Variants in ACOXL observed in about 807,000 individuals in gnomAD.
The protein encoded by ACOXL is acyl-coenzyme A oxidase-like protein.
ACOXL carries 70 observed loss-of-function variants against 71.9 expected under a neutral mutation model. The ratio of observed to expected loss-of-function variants is 0.97; its 90% CI spans 0.80 to 1.19. The LOEUF is 1.19. Ranked by LOEUF, ACOXL falls within the 50% of genes most tolerant of loss-of-function variation. The pLI is 0.00. For missense variants in ACOXL, 703 were observed against 736.3 expected (o/e 0.95, Z 0.52); for synonymous variants, 253 against 281.6 (o/e 0.90, Z 1.02).
chr2:111,018,713 G>A (rs970672415), intron 14 of ACOXL, among the ~76,000 whole-genome samples: 3 of 151,948 alleles, frequency 2.0e-5, no homozygotes, highest in African/African-American at 7.3e-5. Context: ...GAGGCTGGAG[G>A]GGGTGTTGGT....
chr2:110,892,792 A>G (rs1166945091), intron 10 of ACOXL, among the ~76,000 whole-genome samples: 1 of 152,220 alleles, frequency 6.6e-6, no homozygotes, highest in East Asian at 1.9e-4. Flanking sequence ...GAGAGGTTAA[A>G]GCAAGGACTT....
intron 10 of ACOXL, among the ~76,000 whole-genome samples, chr2:110,846,636 T>TACATGCACACACACACAC (rs1553562178): frequency 2.2e-5 from 1 of 44,836 alleles, no homozygotes; most frequent in Admixed American, 1.8e-4. Flanking sequence ...CAAGTATGCA[T>TACATGCACACACACACAC]ACACGCACAC....
At chr2:110,768,879 T>C (rs1000432062) in intron 2 of ACOXL, among the ~76,000 whole-genome samples, 1 of 151,928 alleles carries the variant, frequency 6.6e-6, no homozygotes, top group African/African-American at 2.4e-5. Flanking sequence ...AGCCTGTTGA[T>C]CTCATGCTGA....
chr2:110,819,962 C>A (rs1688401644), intron 9 of ACOXL, among the ~76,000 whole-genome samples: 1 of 152,204 alleles, frequency 6.6e-6, no homozygotes, highest in Admixed American at 6.5e-5. Flanking sequence ...GAACTAAATA[C>A]AACATCCCTG....
intron 9 of ACOXL, among the ~76,000 whole-genome samples, chr2:110,813,744 G>C (rs2105441335): frequency 6.6e-6 from 1 of 152,268 alleles, no homozygotes; most frequent in South Asian, 2.1e-4. Flanking sequence ...CATAGAGAAA[G>C]GCAACAACAG....
intron 14 of ACOXL, among the ~76,000 whole-genome samples, chr2:111,001,725 C>T (rs1326818029): frequency 1.3e-5 from 2 of 152,216 alleles, no homozygotes; most frequent in Non-Finnish European, 2.9e-5. Flanking sequence ...AGTTAACAGC[C>T]TTCAAAGGGA....
intron 12 of ACOXL, among the ~76,000 whole-genome samples, chr2:110,980,440 G>C (rs986432642): frequency 6.6e-6 from 1 of 152,186 alleles, no homozygotes; most frequent in African/African-American, 2.4e-5. Flanking sequence ...GCGAAGGGAA[G>C]AAGAGACCCC....
intron 10 of ACOXL, among the ~76,000 whole-genome samples, chr2:110,876,164 T>G (rs549623742): frequency 8.7e-4 from 132 of 152,318 alleles, no homozygotes; most frequent in Non-Finnish European, 1.7e-3. Flanking sequence ...CCCAGAACTG[T>G]GTTTCTAGAA....
At chr2:111,089,096 C>A (rs536131893) in intron 16 of ACOXL, among the ~76,000 whole-genome samples, 1 of 152,016 alleles carries the variant, frequency 6.6e-6, no homozygotes, top group African/African-American at 2.4e-5. Flanking sequence ...GTCAAGAGAT[C>A]GAGACCATCC....
chr2:110,757,744 T>A lies in ACOXL; in HGVS notation c.-22-10624T>A, dbSNP rs534628340. Among the ~76,000 whole-genome samples, 31 of 150,596 alleles carry A rather than the reference T, an allele frequency of 2.1e-4. No homozygotes were observed. The East Asian group carries it at 5.9e-3, about 28-fold the overall frequency. On this transcript the variant is annotated intron_variant, in intron 1 of 17. Transcript: ENST00000439055. ...TCCTTTGCCTACCTTTTAATGGGGT[T>A]TTTTTTTTTCTTGTCAATTTGTTTA...
chr2:110,908,738 A>G (rs752556396), intron 10 of ACOXL, 51 bp from the exon 11 acceptor site: 1 of 1,420,032 alleles, frequency 7.0e-7, no homozygotes, highest in South Asian at 1.2e-5. Flanking sequence ...AAATGAAGTT[A>G]CCTCCCGCTC....
intron 11 of ACOXL, among the ~76,000 whole-genome samples, chr2:110,909,821 A>G (rs1351241957): frequency 1.3e-5 from 2 of 151,170 alleles, no homozygotes; most frequent in East Asian, 1.9e-4. Context: ...CTTATTGTAC[A>G]CAAGACTGGC....
chr2:110,887,156 T>G, intron 10 of ACOXL: 1 of 317,664 alleles, frequency 3.1e-6, no homozygotes, highest in Non-Finnish European at 5.9e-6. Flanking sequence ...TCCGTTACCA[T>G]GTTCTGAATT....
chr2:110,868,675 A>C (rs1043055469), intron 10 of ACOXL, among the ~76,000 whole-genome samples: 1 of 151,870 alleles, frequency 6.6e-6, no homozygotes, highest in African/African-American at 2.4e-5. Flanking sequence ...TGCAGCCTCA[A>C]CTTCCCAGGC....
chr2:111,115,219 C>A (rs993188580), intron 17 of ACOXL, among the ~76,000 whole-genome samples: 1 of 152,178 alleles, frequency 6.6e-6, no homozygotes, highest in African/African-American at 2.4e-5. Flanking sequence ...AGGACCCCTA[C>A]ACTATGTGCA....
chr2:110,925,702 A>T (rs572111208), intron 11 of ACOXL, among the ~76,000 whole-genome samples: 1 of 152,234 alleles, frequency 6.6e-6, no homozygotes, highest in Non-Finnish European at 1.5e-5. Context: ...CTTTCTTATC[A>T]TTTGTGTGTT....
At chr2:110,983,968 C>T (rs753540971) in intron 12 of ACOXL, among the ~76,000 whole-genome samples, 99 of 152,022 alleles carry the variant, frequency 6.5e-4, no homozygotes, top group Non-Finnish European at 1.3e-3. Context: ...TCCTGCTTCC[C>T]GAGTAACTGG....
intron 16 of ACOXL, among the ~76,000 whole-genome samples, chr2:111,082,217 A>T (rs1308558788): frequency 1.3e-5 from 2 of 152,282 alleles, no homozygotes; most frequent in East Asian, 3.9e-4. Context: ...AGAAACTATC[A>T]TCAGAGTGAA....
At chr2:111,102,917 T>C (rs2069269960) in intron 17 of ACOXL, among the ~76,000 whole-genome samples, 1 of 152,206 alleles carries the variant, frequency 6.6e-6, no homozygotes, top group African/African-American at 2.4e-5. Flanking sequence ...AGACGAGACA[T>C]TGCTGTGGCC....
Sources: allele counts gnomAD v4.1 joint callset (sites outside exome capture counted in the v4.1 genomes callset), GRCh38; gene constraint gnomAD v4.1.1; transcripts MANE v1.5; gene names NCBI Gene and HGNC (gene_info 2026-07-23, HGNC 2026-07-21).